Variants in UBE2D3 observed in about 807,000 individuals in gnomAD.
UBE2D3 encodes the protein ubiquitin conjugating enzyme E2 D3.
UBE2D3 carries 2 observed loss-of-function variants against 22.8 expected under a neutral mutation model. The ratio of observed to expected loss-of-function variants is 0.09; its 90% CI spans 0.04 to 0.28. UBE2D3 has a LOEUF of 0.28. UBE2D3 is among the 10% of genes least tolerant of loss of function. The probability of loss-of-function intolerance (pLI) is 1.00; values close to 1 mark genes in which losing one functional copy is unlikely to be tolerated. For synonymous variants in UBE2D3, 56 were observed against 60.4 expected, an observed-to-expected ratio of 0.93 and a Z score of 0.34; for missense variants, 27 against 182.5, an observed-to-expected ratio of 0.15 and a Z score of 4.91.
chr4:102,827,715 C>CCTT (rs1730810594), upstream of UBE2D3: 1 of 928,844 alleles, frequency 1.1e-6, no homozygotes, highest in African/African-American at 3.2e-5. Context: ...AAGCCCTTTT[C>CCTT]CTTCTTCTCG....
chr4:102,856,582 C>A (rs568500532), intron 1 of UBE2D3, among the ~76,000 whole-genome samples: 2 of 152,166 alleles, frequency 1.3e-5, no homozygotes, highest in Non-Finnish European at 2.9e-5. Flanking sequence ...TATTTAAAAT[C>A]ATAATATTCG....
intron 4 of UBE2D3, among the ~76,000 whole-genome samples, chr4:102,804,399 C>G (rs1470809607): frequency 6.6e-6 from 1 of 151,616 alleles, no homozygotes; most frequent in Non-Finnish European, 1.5e-5. Flanking sequence ...CCCAGGTGAT[C>G]CGCCTGCCTC....
chr4:102,823,861 A>C (rs1176468200), intron 2 of UBE2D3, among the ~76,000 whole-genome samples: 1 of 152,266 alleles, frequency 6.6e-6, no homozygotes, highest in Non-Finnish European at 1.5e-5. Flanking sequence ...CATTTCAGTA[A>C]AATATTAACG....
chr4:102,866,695 C>T (rs1293419640), intron 1 of UBE2D3, among the ~76,000 whole-genome samples: 1 of 152,180 alleles, frequency 6.6e-6, no homozygotes, highest in Non-Finnish European at 1.5e-5. Flanking sequence ...TTCCTTTTCT[C>T]ACTTTAAAAT....
At chr4:102,849,364 C>CAAAAAAAAAAA (rs55874314) in intron 1 of UBE2D3, among the ~76,000 whole-genome samples, 2 of 63,254 alleles carry the variant, frequency 3.2e-5, no homozygotes, top group African/African-American at 5.4e-5. Flanking sequence ...ACCCCTGTCT[C>CAAAAAAAAAAA]AAAAAAAAAA....
At chr4:102,828,889 C>G (rs1256598269), upstream of UBE2D3, among the ~76,000 whole-genome samples, 2 of 152,172 alleles carry the variant, frequency 1.3e-5, no homozygotes, top group African/African-American at 4.8e-5. Flanking sequence ...TGGGTAAGCA[C>G]TGACCAGCTT....
rs1343782498 is a variant in UBE2D3 at position 102,794,563 on chromosome 4, C to T, written c.*2852G>A. The T allele has an allele frequency of 6.6e-6, 1 of 151,752 alleles. No homozygotes were observed. Among genetic ancestry groups the T allele is most frequent in the Non-Finnish European group, 1.5e-5 (1 of 67,918 alleles). The allele number at this position is 151,752 out of a possible 1,614,324, so 9.4% of individuals were successfully genotyped here. A position where few individuals can be genotyped will look rare whatever the true frequency, so the allele number is the denominator to read the frequency against. On this transcript the variant is annotated 3_prime_UTR_variant, in exon 8 of 8. Coordinates refer to ENST00000453744, the MANE Select transcript of UBE2D3 (RefSeq NM_181891.3). ...ATCATTAACAGTTTTGTTATGCCAA[C>T]ACAAAACATGGCTGAGTTACCCCCC...
At chr4:102,821,316 C>T (rs904573330) in intron 2 of UBE2D3, among the ~76,000 whole-genome samples, 13 of 151,970 alleles carry the variant, frequency 8.6e-5, no homozygotes, top group Non-Finnish European at 1.5e-4. Flanking sequence ...TAAATACCTC[C>T]CCTACTAGAT....
intron 1 of UBE2D3, among the ~76,000 whole-genome samples, chr4:102,846,714 A>G (rs887044239): frequency 1.3e-5 from 2 of 152,160 alleles, no homozygotes; most frequent in Admixed American, 6.5e-5. Flanking sequence ...ATCATGGCTC[A>G]TTGCAACTTT....
At position 102,809,799 on chromosome 4, in the gene UBE2D3, C is replaced by T. The variant is rs1169717214; in HGVS notation, c.81G>A (p.Gly27=). 4 of 1,613,828 alleles carry T rather than the reference C, an allele frequency of 2.5e-6. No homozygotes were observed. The highest frequency in any genetic ancestry group is 3.4e-6 in the Non-Finnish European group (4 of 1,179,952). ...PPAQCSAGPV[G]DDMFHWQATI... is the part of the protein sequence containing the mutation. Reference sequence around the variant, plus strand: ...AACTTGCAAGTTACTTACTATCATCCCCAACTGGACCTGCAGAACATTGTG... The same window carrying T: ...AACTTGCAAGTTACTTACTATCATCTCCAACTGGACCTGCAGAACATTGTG... The change falls in exon 3 of 8, where the codon GGG becomes GGA. Residue 27 remains glycine (G), a synonymous_variant. Coordinates refer to ENST00000453744, the MANE Select transcript of UBE2D3 (RefSeq NM_181891.3).
At chr4:102,868,664 G>A (rs1033882624) in intron 1 of UBE2D3, 25 of 1,613,476 alleles carry the variant, frequency 1.5e-5, no homozygotes, top group Non-Finnish European at 1.9e-5. Context: ...CCAAACTGTA[G>A]GGGAAGAGGC....
chr4:102,824,806 T>C (rs889931046), intron 2 of UBE2D3, among the ~76,000 whole-genome samples: 22 of 152,228 alleles, frequency 1.4e-4, no homozygotes, highest in African/African-American at 5.3e-4. Flanking sequence ...GTACTGAATG[T>C]TATGCTCTTT....
At chr4:102,803,668 A>C (rs1025691468) in intron 4 of UBE2D3, among the ~76,000 whole-genome samples, 3 of 152,262 alleles carry the variant, frequency 2.0e-5, no homozygotes, top group Non-Finnish European at 4.4e-5. Flanking sequence ...ATGAAATGTT[A>C]TAGGTATCAT....
chr4:102,801,563 A>C lies in UBE2D3; in HGVS notation c.199-4T>G. 1 of 1,588,464 alleles carries C rather than the reference A, an allele frequency of 6.3e-7. No homozygotes were observed. The highest frequency in any genetic ancestry group is 1.2e-5 in the South Asian group (1 of 86,186). On this transcript the variant is annotated splice_polypyrimidine_tract_variant and splice_region_variant and intron_variant, in intron 5 of 7. Transcript: ENST00000453744. The stretch of plus-strand genomic sequence containing the variant: ...AAATTCTTGTTGTAAATGCAACCTA[A>C]AACAAAAACTTTTAAGTATTTTATT...
At chr4:102,849,905 G>A (rs754862342) in intron 1 of UBE2D3, among the ~76,000 whole-genome samples, 14 of 152,028 alleles carry the variant, frequency 9.2e-5, no homozygotes, top group Admixed American at 7.9e-4. Flanking sequence ...TACAAAATTT[G>A]AAAATACATC....
intron 1 of UBE2D3, among the ~76,000 whole-genome samples, chr4:102,842,867 C>T (rs914316140): frequency 1.3e-4 from 15 of 117,746 alleles, no homozygotes; most frequent in African/African-American, 1.4e-4. Flanking sequence ...CCCAGCACTT[C>T]GGGAGGCTGA....
chr4:102,843,960 G>A (rs1387183533), intron 1 of UBE2D3: 1 of 152,212 alleles, frequency 6.6e-6, no homozygotes, highest in Non-Finnish European at 1.5e-5. Context: ...TTAGAATGGG[G>A]GTGGGGGGAC....
chr4:102,848,626 CAA>C (rs962454817), intron 1 of UBE2D3, among the ~76,000 whole-genome samples: 19 of 152,056 alleles, frequency 1.2e-4, no homozygotes, highest in South Asian at 6.2e-4. Flanking sequence ...GCCTGGGTGA[CAA>C]GAGCGAAACT....
upstream of UBE2D3, among the ~76,000 whole-genome samples, chr4:102,832,455 TC>T (rs1731166149): frequency 6.6e-6 from 1 of 152,098 alleles, no homozygotes; most frequent in African/African-American, 2.4e-5. Flanking sequence ...AATGGCCTGA[TC>T]AGATTTGATG....
Sources: gnomAD v4.1 joint callset for allele counts (sites outside exome capture counted in the v4.1 genomes callset) on GRCh38, gnomAD v4.1.1 for gene constraint, MANE v1.5 for transcripts, NCBI Gene and HGNC (gene_info 2026-07-23, HGNC 2026-07-21) for gene names.